ARID3B: variants seen among roughly 807,000 people sequenced by gnomAD.
ARID3B encodes AT-rich interactive domain-containing protein 3B.
In ARID3B, 10 loss-of-function variants were observed where a neutral mutation model predicts 51.9. The observed-to-expected ratio is 0.19, with a 90% confidence interval of 0.12 to 0.33. The LOEUF is 0.33. ARID3B is among the 10% of genes least tolerant of loss of function. ARID3B has a pLI of 1.00. For synonymous variants in ARID3B, 205 were observed against 279.5 expected, an observed-to-expected ratio of 0.73 and a Z score of 2.66; for missense variants, 483 against 716.3, an observed-to-expected ratio of 0.67 and a Z score of 3.72.
At chr15:74,588,192 C>G (rs2061788043) in intron 4 of ARID3B, among the ~76,000 whole-genome samples, 1 of 151,628 alleles carries the variant, frequency 6.6e-6, no homozygotes, top group Non-Finnish European at 1.5e-5. Context: ...CATGATTGCA[C>G]CGCTGCACTC....
chr15:74,577,225 T>C (rs897193273), intron 4 of ARID3B, among the ~76,000 whole-genome samples: 30 of 151,896 alleles, frequency 2.0e-4, no homozygotes, highest in African/African-American at 6.5e-4. Flanking sequence ...ATTCCAGCAC[T>C]TTGGGAGGCC....
In ARID3B at chr15:74,589,820, G is replaced by A. The variant is rs774402617; in HGVS notation, c.698G>A (p.Gly233Glu). Reference protein sequence around the residue: ...DDLFVFMQKRGTPINRIPIMA... With the variant: ...DDLFVFMQKRETPINRIPIMA... ...TCTTTCTCTCGTTGGACAACCACAGGGACCCCCATCAACCGAATCCCCATC... is the reference window on the plus strand; with the variant it reads ...TCTTTCTCTCGTTGGACAACCACAGAGACCCCCATCAACCGAATCCCCATC... The change falls in exon 5 of 9, where the codon GGG (glycine) becomes GAG (glutamate). Residue 233 changes from glycine (G) to glutamate (E), a missense_variant and splice_region_variant. By Grantham distance (98) the Gly-to-Glu change is moderately conservative. Around this residue, in one of 3 missense-constraint regions of ARID3B, gnomAD observed 36 missense variants for 117.5 expected, o/e 0.31. Coordinates refer to ENST00000346246, the MANE Select transcript of ARID3B (RefSeq NM_006465.4). 1 of 1,604,156 alleles carries A rather than the reference G, an allele frequency of 6.2e-7. No homozygotes were observed. The highest frequency in any genetic ancestry group is 1.1e-5 in the South Asian group (1 of 90,660).
At chr15:74,583,065 T>C (rs959040923) in intron 4 of ARID3B, among the ~76,000 whole-genome samples, 2 of 147,784 alleles carry the variant, frequency 1.4e-5, no homozygotes, top group Non-Finnish European at 3.0e-5. Flanking sequence ...CTGGATGTGG[T>C]GGCACCTGCC....
chr15:74,584,319 A>T (rs1294760668), intron 4 of ARID3B, among the ~76,000 whole-genome samples: 1 of 152,210 alleles, frequency 6.6e-6, no homozygotes, highest in East Asian at 1.9e-4. Flanking sequence ...GATGCAGAGG[A>T]ATGTTCAGGA....
At chr15:74,568,603 C>G (rs1004054662) in intron 2 of ARID3B, among the ~76,000 whole-genome samples, 1 of 152,178 alleles carries the variant, frequency 6.6e-6, no homozygotes, top group Non-Finnish European at 1.5e-5. Context: ...TAGCTTCCTG[C>G]TACCTTTTCT....
intron 4 of ARID3B, among the ~76,000 whole-genome samples, chr15:74,589,233 G>A (rs1596264428): frequency 6.6e-6 from 1 of 151,948 alleles, no homozygotes; most frequent in African/African-American, 2.4e-5. Context: ...GTTTCGCCAT[G>A]TTAGCCAGGA....
At chr15:74,581,069 C>T (rs555768835) in intron 4 of ARID3B, among the ~76,000 whole-genome samples, 2 of 152,198 alleles carry the variant, frequency 1.3e-5, no homozygotes, top group Non-Finnish European at 2.9e-5. Flanking sequence ...ACAAGCAAGG[C>T]TCTCTTTTCC....
chr15:74,553,934 C>T (rs1366515354), intron 2 of ARID3B, among the ~76,000 whole-genome samples: 4 of 152,064 alleles, frequency 2.6e-5, no homozygotes, highest in Admixed American at 6.5e-5. Context: ...AGAGATTCTC[C>T]TGCCTCAGCC....
chr15:74,568,303 C>T (rs2061706810), intron 2 of ARID3B, among the ~76,000 whole-genome samples: 1 of 152,178 alleles, frequency 6.6e-6, no homozygotes, highest in Non-Finnish European at 1.5e-5. Context: ...GGATTTTATT[C>T]TCACTTCCTT....
chr15:74,580,561 C>T (rs998008372), intron 4 of ARID3B, among the ~76,000 whole-genome samples: 1 of 152,168 alleles, frequency 6.6e-6, no homozygotes, highest in African/African-American at 2.4e-5. Context: ...ATTATCTGAT[C>T]TGCTGCTCCC....
intron 1 of ARID3B, among the ~76,000 whole-genome samples, chr15:74,543,601 G>T (rs1465509800): frequency 1.3e-5 from 2 of 152,118 alleles, no homozygotes; most frequent in Non-Finnish European, 2.9e-5. Flanking sequence ...TTGGCTGGAT[G>T]TACTTCTTTT....
intron 2 of ARID3B, among the ~76,000 whole-genome samples, chr15:74,545,587 T>C (rs1186688884): frequency 6.6e-6 from 1 of 152,220 alleles, no homozygotes; most frequent in African/African-American, 2.4e-5. Flanking sequence ...TTAAGTGACT[T>C]GTTGGTGCTT....
intron 7 of ARID3B, 95 bp from the exon 8 acceptor site, chr15:74,593,043 A>C: frequency 9.6e-7 from 1 of 1,040,198 alleles, no homozygotes; most frequent in Non-Finnish European, 1.4e-6. Context: ...TAACAGCGTG[A>C]GGCTTTGACC....
intron 1 of ARID3B, among the ~76,000 whole-genome samples, chr15:74,543,165 G>GA (rs1313424656): frequency 1.3e-5 from 2 of 152,164 alleles, no homozygotes; most frequent in African/African-American, 4.8e-5. Context: ...TGAGACTCTT[G>GA]CCTCCTTGCG....
intron 4 of ARID3B, among the ~76,000 whole-genome samples, chr15:74,579,732 C>T (rs1483821147): frequency 2.0e-5 from 3 of 152,030 alleles, no homozygotes; most frequent in Non-Finnish European, 2.9e-5. Context: ...AAGTTGCCCT[C>T]GATTGTCCCC....
At chr15:74,551,688 G>A (rs16953854) in intron 2 of ARID3B, among the ~76,000 whole-genome samples, 6,492 of 152,284 alleles carry the variant, frequency 0.043, 158 homozygotes, top group Middle Eastern at 0.13. Context: ...ACCTGAGTCA[G>A]TTGTTAACAA....
At chr15:74,562,514 G>A (rs188737783) in intron 2 of ARID3B, among the ~76,000 whole-genome samples, 1 of 152,122 alleles carries the variant, frequency 6.6e-6, no homozygotes, top group African/African-American at 2.4e-5. Context: ...TTCTGAGACA[G>A]GGTCTCACTG....
rs553291894 is a variant in ARID3B at position 74,591,302 on chromosome 15, G to A, written c.1033G>A (p.Ala345Thr). ...TGGCTACTCACCTGCTGCGGCTACT[G>A]CTGCTGCCGCTGCCGGGGCCCCTGC... is the stretch of plus-strand genomic sequence containing the variant. The part of the protein sequence containing the change: ...LFGYSPAAAT[A>T]AAAAGAPALL... Residue 345 changes from alanine to threonine, a missense_variant, in exon 6 of 9, where the codon GCT (alanine) becomes ACT (threonine). Ala to Thr is a moderately conservative substitution (Grantham distance 58). Around this residue, in one of 3 missense-constraint regions of ARID3B, gnomAD observed 265 missense variants for 354.4 expected, o/e 0.75. Transcript: ENST00000346246. This position sits in a 1 kb window ranked among gnomAD's most constrained non-coding sequence, Gnocchi z 5.8. The A allele has an allele frequency of 8.7e-6, 14 of 1,613,576 alleles. No homozygotes were observed. In the South Asian group the frequency reaches 1.1e-4, roughly 13 times the overall value.
At chr15:74,587,371 A>C (rs1434024564) in intron 4 of ARID3B, among the ~76,000 whole-genome samples, 1 of 152,212 alleles carries the variant, frequency 6.6e-6, no homozygotes, top group Non-Finnish European at 1.5e-5. Flanking sequence ...AAAGTGGGTG[A>C]TAGGGAGAGG....
Sources: allele counts gnomAD v4.1 joint callset (sites outside exome capture counted in the v4.1 genomes callset), GRCh38; gene constraint gnomAD v4.1.1; regional missense constraint gnomAD v4.1.1; non-coding constraint Gnocchi (gnomAD v3.1); transcripts MANE v1.5; gene names NCBI Gene and HGNC (gene_info 2026-07-23, HGNC 2026-07-21).